Variants in GDAP1 observed in about 807,000 individuals in gnomAD.
GDAP1 encodes ganglioside induced differentiation associated protein 1.
GDAP1 carries 34 observed loss-of-function variants against 40.1 expected under a neutral mutation model. The ratio of observed to expected loss-of-function variants is 0.85; its 90% CI spans 0.64 to 1.13. The LOEUF is 1.13. GDAP1 is among the 50% of genes most tolerant of loss of function. GDAP1 has a pLI of 0.00. For missense variants in GDAP1, 374 were observed against 433.7 expected (o/e 0.86, Z 1.22); for synonymous variants, 170 against 157.4 (o/e 1.08, Z -0.60).
At chr8:74,363,425 C>T (rs547698442) in intron 5 of GDAP1, among the ~76,000 whole-genome samples, 59 of 152,322 alleles carry the variant, frequency 3.9e-4, no homozygotes, top group African/African-American at 1.3e-3. Context: ...TAAGGACCAG[C>T]ACGTGGGCAT....
intron 3 of GDAP1, among the ~76,000 whole-genome samples, chr8:74,361,317 A>C (rs1056077160): frequency 6.6e-6 from 1 of 152,220 alleles, no homozygotes; most frequent in Non-Finnish European, 1.5e-5. Context: ...TGCACTGAGC[A>C]CTGTAAAGTG....
At chr8:74,426,921 T>G (rs1372588243) in intron 2 of GDAP1, among the ~76,000 whole-genome samples, 2 of 152,228 alleles carry the variant, frequency 1.3e-5, no homozygotes, top group East Asian at 3.8e-4. Flanking sequence ...CTGATGGCAC[T>G]TGGCTTACTT....
intron 2 of GDAP1, among the ~76,000 whole-genome samples, chr8:74,465,497 G>C (rs1304067647): frequency 6.6e-6 from 1 of 152,118 alleles, no homozygotes. Context: ...CTAGATGATA[G>C]CCTGATAGGT....
intron 2 of GDAP1, among the ~76,000 whole-genome samples, chr8:74,426,542 T>G (rs1805949912): frequency 6.6e-6 from 1 of 152,236 alleles, no homozygotes; most frequent in Non-Finnish European, 1.5e-5. Flanking sequence ...AATGTAACAT[T>G]CTTGTAGAAC....
rs1485262908 is a variant in GDAP1 at position 74,439,396 on chromosome 8, T to A, written c.166-49282T>A. Among the ~76,000 whole-genome samples, 4 of 152,130 alleles carry A rather than the reference T, an allele frequency of 2.6e-5. No homozygotes were observed. The East Asian group carries it at 7.7e-4, about 29-fold the overall frequency. On this transcript the variant is annotated intron_variant, in intron 2 of 2. Coordinates refer to the GDAP1 transcript ENST00000523640. ...CCCTACTTATTTTCAATGGTATCTC[T>A]GTCATCTGCCAAATTTTCGTATGTG...
chr8:74,369,813 G>C (rs1040685180), downstream of GDAP1, among the ~76,000 whole-genome samples: 5 of 3,494 alleles, frequency 1.4e-3, no homozygotes, highest in Non-Finnish European at 0.025. Context: ...CAGTTAGAAG[G>C]GGAAAAAAAA....
chr8:74,362,784 C>CTCTTTT (rs1300148699), intron 4 of GDAP1, among the ~76,000 whole-genome samples, 155 bp from the exon 5 acceptor site: 44 of 60,442 alleles, frequency 7.3e-4, no homozygotes, highest in East Asian at 2.0e-3. Context: ...CTCTCTCTCT[C>CTCTTTT]TTTTTTTTTT....
At chr8:74,416,416 T>C (rs1805779874) in intron 2 of GDAP1, among the ~76,000 whole-genome samples, 1 of 150,072 alleles carries the variant, frequency 6.7e-6, no homozygotes, top group Non-Finnish European at 1.5e-5. Context: ...GCAAGCAGAA[T>C]AACACAGTGC....
intron 2 of GDAP1, among the ~76,000 whole-genome samples, chr8:74,479,225 G>A (rs2128721404): frequency 6.6e-6 from 1 of 152,252 alleles, no homozygotes; most frequent in South Asian, 2.1e-4. Flanking sequence ...TTTCCAGGTA[G>A]AAGACCTTTC....
At chr8:74,383,086 C>G (rs947147927) in intron 2 of GDAP1, among the ~76,000 whole-genome samples, 6 of 152,266 alleles carry the variant, frequency 3.9e-5, no homozygotes, top group African/African-American at 1.4e-4. Flanking sequence ...TGGGTCTTTT[C>G]AAGGTATAAC....
intron 2 of GDAP1, among the ~76,000 whole-genome samples, chr8:74,456,429 C>T (rs1438799474): frequency 6.6e-6 from 1 of 151,766 alleles, no homozygotes; most frequent in East Asian, 1.9e-4. Flanking sequence ...CCATGGTGCA[C>T]CTATAGGAAA....
chr8:74,382,674 T>C (rs1809972012), intron 2 of GDAP1, among the ~76,000 whole-genome samples: 1 of 152,152 alleles, frequency 6.6e-6, no homozygotes, highest in South Asian at 2.1e-4. Context: ...TAAAATAGTA[T>C]CTAGAAAAAT....
chr8:74,462,829 G>T (rs1246992042), intron 2 of GDAP1, among the ~76,000 whole-genome samples: 3 of 151,846 alleles, frequency 2.0e-5, no homozygotes, highest in African/African-American at 7.3e-5. Flanking sequence ...AAGCCTTTAA[G>T]AATCTAGTAG....
intron 2 of GDAP1, among the ~76,000 whole-genome samples, chr8:74,466,686 A>G (rs1586843521): frequency 6.6e-6 from 1 of 152,224 alleles, no homozygotes. Flanking sequence ...CAGTTTTTAC[A>G]TGTTAAATTT....
intron 2 of GDAP1, among the ~76,000 whole-genome samples, chr8:74,357,881 A>G (rs1031170068): frequency 6.6e-6 from 1 of 152,204 alleles, no homozygotes; most frequent in Non-Finnish European, 1.5e-5. Context: ...AGAACTGGAA[A>G]ATAAAATAGG....
At chr8:74,388,726 C>G (rs1476381515) in intron 2 of GDAP1, among the ~76,000 whole-genome samples, 1 of 152,030 alleles carries the variant, frequency 6.6e-6, no homozygotes, top group African/African-American at 2.4e-5. Flanking sequence ...CAAGTCCTGA[C>G]TATACTTGTT....
At chr8:74,356,721 T>A (rs1429698192) in intron 2 of GDAP1, among the ~76,000 whole-genome samples, 3,636 of 132,220 alleles carry the variant, frequency 0.027, 252 homozygotes, top group African/African-American at 0.096. Flanking sequence ...TATATATTTT[T>A]TTTTTTTTTT....
In GDAP1 at chr8:74,404,197, TA is replaced by T. The variant is rs956428980; in HGVS notation, c.165+52884del. On this transcript the variant is annotated intron_variant, in intron 2 of 2. Transcript: ENST00000523640. ...GAATTATTTACTTTGTGCATTAACT[TA>T]AAAAAAATCCTGTCTTAGGCTTATT... Among the ~76,000 whole-genome samples, 203 of 149,684 alleles carry T rather than the reference TA, an allele frequency of 1.4e-3. 28 individuals are homozygous for T. The highest frequency in any genetic ancestry group is 4.9e-3 in the African/African-American group (191 of 39,258).
rs139005406 is a variant in GDAP1, at chr8:74,381,521, C to T, written c.165+30200C>T. Among the ~76,000 whole-genome samples the T allele has an allele frequency of 5.2e-3, 787 of 151,988 alleles. 8 individuals carry two copies. The highest frequency in any genetic ancestry group is 0.018 in the African/African-American group (726 of 41,470). On this transcript the variant is annotated intron_variant, in intron 2 of 2. Coordinates refer to the GDAP1 transcript ENST00000523640. ...CTGTAATCCCAGCACTTTGAGAGGC[C>T]GACGTGGGCACATCACTTGGGGCCA...
Sources: gnomAD v4.1 joint callset for allele counts (sites outside exome capture counted in the v4.1 genomes callset) on GRCh38, gnomAD v4.1.1 for gene constraint, MANE v1.5 for transcripts, NCBI Gene and HGNC (gene_info 2026-07-23, HGNC 2026-07-21) for gene names.